Variants in EFCAB11 observed in about 807,000 individuals in gnomAD.
EFCAB11 encodes the protein EF-hand calcium-binding domain-containing protein 11.
A neutral mutation model predicts 23.0 loss-of-function variants in EFCAB11; 14 were observed. The observed-to-expected ratio is 0.61, with a 90% CI of 0.40 to 0.95. The LOEUF is 0.95. EFCAB11 is among the 40% of genes least tolerant of loss of function. EFCAB11 has a pLI of 0.00. For synonymous variants in EFCAB11, 65 were observed against 66.6 expected, an observed-to-expected ratio of 0.98 and a Z score of 0.11; for missense variants, 198 against 195.8, an observed-to-expected ratio of 1.01 and a Z score of -0.07.
At chr14:89,918,627 A>G (rs1422505843) in intron 5 of EFCAB11, among the ~76,000 whole-genome samples, 1 of 152,138 alleles carries the variant, frequency 6.6e-6, no homozygotes, top group Non-Finnish European at 1.5e-5. Context: ...GGAAGAGGCC[A>G]TGATCCTCTC....
intron 3 of EFCAB11, among the ~76,000 whole-genome samples, chr14:89,937,528 CAT>C (rs141657234): frequency 2.6e-5 from 4 of 151,284 alleles, no homozygotes; most frequent in Non-Finnish European, 4.4e-5. Context: ...TGTTCTATAA[CAT>C]ATATATATAT....
chr14:89,834,403 A>AAAAAAAAAAAC lies in EFCAB11; in HGVS notation c.411-37080_411-37079insGTTTTTTTTTT, dbSNP rs67216494. On this transcript the variant is annotated intron_variant, in intron 5 of 5. Coordinates refer to ENST00000316738, the MANE Select transcript of EFCAB11 (RefSeq NM_145231.4). ...AAAAAAAAAAAAAAAAAAAAAAAAA[A>AAAAAAAAAAAC]CCTTTTTGTTTAAACTTCTAAAGAT... is the stretch of plus-strand genomic sequence containing the variant. 8.9e-5 allele frequency among the ~76,000 whole-genome samples: 9 copies of AAAAAAAAAAAC among 101,424 alleles called. 2 individuals carry two copies. Among genetic ancestry groups the AAAAAAAAAAAC allele is most frequent in the Middle Eastern group, 5.4e-3 (1 of 186 alleles). 66.5% of individuals were successfully genotyped at this position (101,424 alleles called of 152,430 possible).
At chr14:89,868,650 A>G (rs905301476) in intron 5 of EFCAB11, among the ~76,000 whole-genome samples, 38 of 152,116 alleles carry the variant, frequency 2.5e-4, no homozygotes, top group Non-Finnish European at 4.9e-4. Flanking sequence ...TTTACACTGC[A>G]TTTCCTTGTT....
intron 5 of EFCAB11, among the ~76,000 whole-genome samples, chr14:89,840,981 A>G (rs1434212518): frequency 6.6e-6 from 1 of 152,214 alleles, no homozygotes; most frequent in South Asian, 2.1e-4. Context: ...GTCTCCTCAC[A>G]AAACTGCCAT....
At chr14:89,943,686 G>A (rs1457991155) in intron 3 of EFCAB11, among the ~76,000 whole-genome samples, 3 of 152,322 alleles carry the variant, frequency 2.0e-5, no homozygotes, top group Non-Finnish European at 2.9e-5. Flanking sequence ...AAGAAAAAGT[G>A]GATGGTTTGA....
intron 5 of EFCAB11, among the ~76,000 whole-genome samples, chr14:89,913,040 T>C (rs1275777261): frequency 1.3e-5 from 2 of 152,210 alleles, no homozygotes; most frequent in Admixed American, 1.3e-4. Flanking sequence ...AAATTACTAA[T>C]ACACCTGCGG....
chr14:89,833,803 A>C (rs1399497503), intron 5 of EFCAB11, among the ~76,000 whole-genome samples: 2 of 152,192 alleles, frequency 1.3e-5, no homozygotes, highest in Non-Finnish European at 2.9e-5. Context: ...GTCTAGGAGA[A>C]CACTGTGTGG....
intron 5 of EFCAB11, among the ~76,000 whole-genome samples, chr14:89,806,631 C>T (rs1885979454): frequency 6.6e-6 from 1 of 152,168 alleles, no homozygotes; most frequent in Non-Finnish European, 1.5e-5. Flanking sequence ...CTACCACAGG[C>T]CCACTCTGAA....
intron 5 of EFCAB11, among the ~76,000 whole-genome samples, chr14:89,867,415 G>A (rs1419070187): frequency 1.3e-5 from 2 of 152,114 alleles, no homozygotes; most frequent in African/African-American, 4.8e-5. Flanking sequence ...TTAATGTGTG[G>A]CCTTTTCCAG....
chr14:89,892,561 C>A lies in EFCAB11; in HGVS notation c.410+38980G>T, dbSNP rs1271643220. ...AGGGTTCATATAAACAGTATCCTGA[C>A]ACAGTCATGCTTCCTGGATTTTAGA... On this transcript the variant is annotated intron_variant, in intron 5 of 5. Transcript: ENST00000316738. The A allele has an allele frequency of 2.1e-5, 17 of 814,890 alleles. No individual in the cohort carries two copies. In the South Asian group the frequency reaches 3.7e-4, roughly 18 times the overall value. 50.5% of individuals were successfully genotyped at this position (814,890 alleles called of 1,614,324 possible).
intron 3 of EFCAB11, among the ~76,000 whole-genome samples, chr14:89,935,298 G>A (rs191019377): frequency 6.6e-6 from 1 of 152,036 alleles, no homozygotes; most frequent in Admixed American, 6.5e-5. Flanking sequence ...CAGACAGTAG[G>A]CATTCATTAC....
rs755340098 is a variant in EFCAB11, at chr14:89,950,155, A to G, written c.172-13T>C. On this transcript the variant is annotated splice_polypyrimidine_tract_variant and intron_variant, in intron 2 of 5. Transcript: ENST00000316738. ...AATCCACTTCTATCTAGAAAAGAGG[A>G]AAAAATAATAGAACATGTAATTTTA... 13 of 1,553,298 alleles carry G rather than the reference A, an allele frequency of 8.4e-6. No individual in the cohort carries two copies. The East Asian group carries it at 3.0e-4, about 36-fold the overall frequency.
chr14:89,803,589 G>T (rs1285417199), intron 5 of EFCAB11, among the ~76,000 whole-genome samples: 1 of 152,232 alleles, frequency 6.6e-6, no homozygotes, highest in Non-Finnish European at 1.5e-5. Context: ...TGGGGGAAAA[G>T]GGAGAGAGCA....
chr14:89,811,036 C>T (rs1478030092), intron 5 of EFCAB11, among the ~76,000 whole-genome samples: 1 of 152,016 alleles, frequency 6.6e-6, no homozygotes, highest in Non-Finnish European at 1.5e-5. Context: ...GGGGCGAGAA[C>T]TGGGCAGCAG....
chr14:89,853,611 C>A (rs1266073223), intron 5 of EFCAB11, among the ~76,000 whole-genome samples: 2 of 152,098 alleles, frequency 1.3e-5, no homozygotes, highest in African/African-American at 4.8e-5. Context: ...ACTTCACCTG[C>A]CACACTGGCT....
intron 5 of EFCAB11, among the ~76,000 whole-genome samples, chr14:89,927,609 T>C (rs910219817): frequency 3.9e-5 from 6 of 152,252 alleles, no homozygotes; most frequent in Non-Finnish European, 7.3e-5. Flanking sequence ...ATTGTTTGCA[T>C]GACTGAAATA....
intron 5 of EFCAB11, among the ~76,000 whole-genome samples, chr14:89,902,886 T>C (rs1889384992): frequency 3.9e-5 from 6 of 152,226 alleles, no homozygotes; most frequent in Admixed American, 3.3e-4. Context: ...TGTACTTTTC[T>C]AGCAATGATA....
rs182672688 is a variant in EFCAB11 at position 89,873,199 on chromosome 14, C to T, written c.410+58342G>A. 2.6e-3 allele frequency among the ~76,000 whole-genome samples: 396 copies of T among 152,144 alleles called. 2 individuals are homozygous for T. The highest frequency in any genetic ancestry group is 6.8e-3 in the Middle Eastern group (2 of 294). The stretch of plus-strand genomic sequence containing the variant: ...GAGGAGCAAGGCACATCTTACGTGG[C>T]GGCAGGCAAGAGAACTTGTGCAGGG... On this transcript the variant is annotated intron_variant, in intron 5 of 5. Transcript: ENST00000316738.
chr14:89,924,863 T>C (rs1021777790), intron 5 of EFCAB11, among the ~76,000 whole-genome samples: 1 of 152,234 alleles, frequency 6.6e-6, no homozygotes, highest in Admixed American at 6.5e-5. Flanking sequence ...CACAGGGTAT[T>C]TGGAATAAGT....
Sources: allele counts gnomAD v4.1 joint callset (sites outside exome capture counted in the v4.1 genomes callset), GRCh38; gene constraint gnomAD v4.1.1; transcripts MANE v1.5; gene names NCBI Gene and HGNC (gene_info 2026-07-23, HGNC 2026-07-21).